Variants in MTHFD2L observed in about 807,000 individuals in gnomAD.
The protein encoded by MTHFD2L is methylenetetrahydrofolate dehydrogenase (NADP+ dependent) 2 like, also known as bifunctional methylenetetrahydrofolate dehydrogenase/cyclohydrolase 2, mitochondrial.
A neutral mutation model predicts 34.9 loss-of-function variants in MTHFD2L; 29 were observed. That is an observed-to-expected ratio of 0.83 (90% confidence interval 0.62 to 1.13). MTHFD2L has a LOEUF of 1.13. Among genes scored for constraint, MTHFD2L ranks in the 50% most tolerant of loss-of-function variants. MTHFD2L has a pLI of 0.00. For synonymous variants in MTHFD2L, 167 were observed against 155.7 expected, an observed-to-expected ratio of 1.07 and a Z score of -0.54; for missense variants, 481 against 446.5, an observed-to-expected ratio of 1.08 and a Z score of -0.70.
At chr4:74,266,908 T>C (rs993533638) in intron 6 of MTHFD2L, 5 of 985,336 alleles carry the variant, frequency 5.1e-6, no homozygotes, top group Non-Finnish European at 6.0e-6. Flanking sequence ...CCTCATTTCT[T>C]TGTATTATCT....
chr4:74,301,551 G>A, intron 7 of MTHFD2L, 146 bp from the exon 8 acceptor site: 2 of 533,582 alleles, frequency 3.7e-6, no homozygotes, highest in Non-Finnish European at 6.7e-6. Context: ...GTGTGTGTGT[G>A]TGTGTGTCTG....
At chr4:74,160,321 T>A (rs935213119) in intron 1 of MTHFD2L, 2 of 316,740 alleles carry the variant, frequency 6.3e-6, no homozygotes, top group African/African-American at 4.4e-5. Flanking sequence ...TATCACCATT[T>A]CTGAGCTGTG....
intron 5 of MTHFD2L, among the ~76,000 whole-genome samples, chr4:74,208,681 C>T (rs1735777058): frequency 6.6e-6 from 1 of 152,152 alleles, no homozygotes; most frequent in Non-Finnish European, 1.5e-5. Flanking sequence ...GCCCAAATCT[C>T]ACCAACTGAA....
At chr4:74,279,384 A>T (rs1327348595) in intron 6 of MTHFD2L, among the ~76,000 whole-genome samples, 1 of 152,048 alleles carries the variant, frequency 6.6e-6, no homozygotes, top group African/African-American at 2.4e-5. Flanking sequence ...ATAGTAAGAT[A>T]ACAGTGATTT....
chr4:74,172,963 G>A (rs1361029794), intron 1 of MTHFD2L, among the ~76,000 whole-genome samples: 5 of 152,028 alleles, frequency 3.3e-5, no homozygotes, highest in Admixed American at 1.3e-4. Context: ...TATAGCACCC[G>A]CCCTCATTAG....
intron 3 of MTHFD2L, among the ~76,000 whole-genome samples, chr4:74,176,475 C>T (rs1319974505): frequency 6.6e-6 from 1 of 152,048 alleles, no homozygotes; most frequent in African/African-American, 2.4e-5. Flanking sequence ...GGCTAATCCC[C>T]TCTGTCTGTT....
chr4:74,237,764 C>T (rs945607807), intron 6 of MTHFD2L, among the ~76,000 whole-genome samples: 8 of 152,164 alleles, frequency 5.3e-5, no homozygotes, highest in African/African-American at 1.7e-4. Context: ...TGTTCCACTT[C>T]ATGAAAGCTT....
chr4:74,279,663 A>G (rs1177067943), intron 6 of MTHFD2L, among the ~76,000 whole-genome samples: 1 of 152,066 alleles, frequency 6.6e-6, no homozygotes, highest in African/African-American at 2.4e-5. Context: ...CTATTTTATG[A>G]ATATTTTTAT....
chr4:74,285,090 A>T (rs1295317578), intron 7 of MTHFD2L, among the ~76,000 whole-genome samples: 1 of 152,090 alleles, frequency 6.6e-6, no homozygotes, highest in African/African-American at 2.4e-5. Context: ...TATCGCAAGG[A>T]CAAAAAACCA....
intron 1 of MTHFD2L, among the ~76,000 whole-genome samples, chr4:74,126,399 G>A (rs1326154306): frequency 6.6e-6 from 1 of 152,122 alleles, no homozygotes; most frequent in Non-Finnish European, 1.5e-5. Flanking sequence ...GAATCTGTGA[G>A]TGACAAAGGT....
chr4:74,260,877 A>G (rs1170129529), intron 6 of MTHFD2L, among the ~76,000 whole-genome samples: 1 of 151,886 alleles, frequency 6.6e-6, no homozygotes, highest in Admixed American at 6.6e-5. Flanking sequence ...TGCAGAAAAA[A>G]GCAGTTATTA....
chr4:74,121,631 TTTAA>T (rs1238861923), upstream of MTHFD2L, among the ~76,000 whole-genome samples: 1 of 145,586 alleles, frequency 6.9e-6, no homozygotes, highest in Non-Finnish European at 1.5e-5. Context: ...TAATTAATTA[TTTAA>T]TTATACATAT....
At chr4:74,173,133 G>A (rs1275252103) in intron 1 of MTHFD2L, among the ~76,000 whole-genome samples, 1 of 151,382 alleles carries the variant, frequency 6.6e-6, no homozygotes, top group Admixed American at 6.6e-5. Flanking sequence ...TGTTTTTACC[G>A]GGCCATTCAA....
upstream of MTHFD2L, among the ~76,000 whole-genome samples, chr4:74,122,362 G>A (rs575651094): frequency 6.6e-6 from 1 of 152,170 alleles, no homozygotes; most frequent in Non-Finnish European, 1.5e-5. Context: ...ACAGGAGAGA[G>A]AGAGAGTGAA....
chr4:74,120,609 G>A (rs72871013), upstream of MTHFD2L, among the ~76,000 whole-genome samples: 7,338 of 152,132 alleles, frequency 0.048, 585 homozygotes, highest in African/African-American at 0.16. Flanking sequence ...GAGAAATGTC[G>A]GCTAGCCAAA....
At chr4:74,167,924 C>T (rs1466513416) in intron 1 of MTHFD2L, among the ~76,000 whole-genome samples, 1 of 152,036 alleles carries the variant, frequency 6.6e-6, no homozygotes, top group African/African-American at 2.4e-5. Flanking sequence ...TTTTCATATC[C>T]TACACCCAAT....
At chr4:74,217,532 G>A (rs1050701850) in intron 5 of MTHFD2L, among the ~76,000 whole-genome samples, 7 of 151,490 alleles carry the variant, frequency 4.6e-5, no homozygotes, top group Non-Finnish European at 7.4e-5. Context: ...AAACCACACC[G>A]TGACATGAAC....
At chr4:74,162,977 C>T (rs1049174005) in intron 1 of MTHFD2L, among the ~76,000 whole-genome samples, 1 of 152,058 alleles carries the variant, frequency 6.6e-6, no homozygotes, top group Admixed American at 6.5e-5. Context: ...TTGTTAGATT[C>T]CCTCAGTTTG....
intron 7 of MTHFD2L, among the ~76,000 whole-genome samples, chr4:74,287,774 C>T (rs1241400436): frequency 6.6e-6 from 1 of 152,140 alleles, no homozygotes; most frequent in Non-Finnish European, 1.5e-5. Context: ...GGCTCTTTCC[C>T]ATAAAAGTCT....
Sources: allele counts gnomAD v4.1 joint callset (sites outside exome capture counted in the v4.1 genomes callset), GRCh38; gene constraint gnomAD v4.1.1; transcripts MANE v1.5; gene names NCBI Gene and HGNC (gene_info 2026-07-23, HGNC 2026-07-21).